Variants in FAM118B observed in about 807,000 individuals in gnomAD.
FAM118B encodes the protein SIR2 antiphage like 1, also known as protein FAM118B.
Under a neutral mutation model 38.5 loss-of-function variants are expected in FAM118B, and 24 were observed. That is an observed-to-expected ratio of 0.62 (90% CI 0.45 to 0.88). The LOEUF (loss-of-function observed/expected upper bound fraction) is 0.88, where lower values mean the gene tolerates loss of function less well. Among genes scored for constraint, FAM118B ranks in the 40% least tolerant of loss-of-function variants. FAM118B has a pLI of 0.00. For synonymous variants in FAM118B, 138 were observed against 156.3 expected, an observed-to-expected ratio of 0.88 and a Z score of 0.87; for missense variants, 334 against 420.0, an observed-to-expected ratio of 0.80 and a Z score of 1.79.
In FAM118B at chr11:126,256,159, G is replaced by C. The variant is rs1046530478; in HGVS notation, c.697-408G>C. Reference sequence around the variant, plus strand: ...GGTGGTGCACACTTGTAATATACTCGGGAGGCTGAGGCATGAGAGTCACTT... The same window carrying C: ...GGTGGTGCACACTTGTAATATACTCCGGAGGCTGAGGCATGAGAGTCACTT... On this transcript the variant is annotated intron_variant, in intron 6 of 8. Coordinates refer to ENST00000533050, the MANE Select transcript of FAM118B (RefSeq NM_024556.4). This position sits in a 1 kb window ranked among gnomAD's most constrained non-coding sequence, Gnocchi z 6.6. Among the ~76,000 whole-genome samples, 1 of 152,138 alleles carries C rather than the reference G, an allele frequency of 6.6e-6. No homozygotes were observed. Among genetic ancestry groups the C allele is most frequent in the Non-Finnish European group, 1.5e-5 (1 of 68,038 alleles).
chr11:126,248,102 C>T (rs955783284), intron 4 of FAM118B, among the ~76,000 whole-genome samples: 1 of 149,720 alleles, frequency 6.7e-6, no homozygotes. Flanking sequence ...GCCAAAATCA[C>T]GCCATTGCAC....
intron 1 of FAM118B, among the ~76,000 whole-genome samples, chr11:126,228,192 A>AT (rs370328952): frequency 3.9e-4 from 56 of 142,452 alleles, no homozygotes; most frequent in East Asian, 6.3e-4. Context: ...TTTACTAAAC[A>AT]TTTTTTTTTT....
At chr11:126,228,227 C>T (rs904701198) in intron 1 of FAM118B, among the ~76,000 whole-genome samples, 1 of 149,174 alleles carries the variant, frequency 6.7e-6, no homozygotes, top group Non-Finnish European at 1.5e-5. Flanking sequence ...GAGACAGGGT[C>T]TCGCTTTGTC....
In FAM118B at chr11:126,255,605, A is replaced by G. The variant is rs1251839937; in HGVS notation, c.697-962A>G. Among the ~76,000 whole-genome samples, 1 of 152,208 alleles carries G rather than the reference A, an allele frequency of 6.6e-6. No individual in the cohort carries two copies. Among genetic ancestry groups the G allele is most frequent in the Non-Finnish European group, 1.5e-5 (1 of 68,036 alleles). On this transcript the variant is annotated intron_variant, in intron 6 of 8. Coordinates refer to ENST00000533050, the MANE Select transcript of FAM118B (RefSeq NM_024556.4). This position sits in a 1 kb window ranked among gnomAD's most constrained non-coding sequence, Gnocchi z 4.6. Reference sequence around the variant, plus strand: ...AGTTCAGTTTGTGAGACAAAGGCAAATATGGTCCAGAAATGGAAGGATTAA... The same window carrying G: ...AGTTCAGTTTGTGAGACAAAGGCAAGTATGGTCCAGAAATGGAAGGATTAA...
At chr11:126,249,793 T>C (rs925810043) in intron 4 of FAM118B, among the ~76,000 whole-genome samples, 4 of 150,002 alleles carry the variant, frequency 2.7e-5, no homozygotes, top group African/African-American at 9.8e-5. Context: ...ATTAGGGCTG[T>C]GTCTCAGTGG....
intron 1 of FAM118B, among the ~76,000 whole-genome samples, chr11:126,225,022 CTT>C (rs1256562784): frequency 2.6e-5 from 4 of 152,190 alleles, no homozygotes; most frequent in Non-Finnish European, 5.9e-5. Context: ...AACAAGATCT[CTT>C]TTATGTGAAT....
chr11:126,248,648 G>T (rs1309512053), intron 4 of FAM118B, among the ~76,000 whole-genome samples: 2 of 152,094 alleles, frequency 1.3e-5, no homozygotes, highest in Non-Finnish European at 2.9e-5. Context: ...GGGATTACAG[G>T]CGTGAGCCAG....
At chr11:126,257,989 G>T (rs1950606537) in intron 7 of FAM118B, among the ~76,000 whole-genome samples, 1 of 152,150 alleles carries the variant, frequency 6.6e-6, no homozygotes, top group Non-Finnish European at 1.5e-5. Flanking sequence ...ACATTGCCAG[G>T]CTCCAGAGTA....
intron 3 of FAM118B, 113 bp downstream of exon 3, chr11:126,235,200 A>G: frequency 5.0e-6 from 4 of 797,514 alleles, no homozygotes; most frequent in Non-Finnish European, 6.1e-6. Flanking sequence ...ATTGACCTTC[A>G]TACTCAAAAT....
intron 3 of FAM118B, among the ~76,000 whole-genome samples, chr11:126,238,082 C>T (rs1178916728): frequency 1.3e-5 from 2 of 152,080 alleles, no homozygotes; most frequent in African/African-American, 2.4e-5. Flanking sequence ...ATGGAAGAGG[C>T]CGGGTGCGGT....
At chr11:126,226,605 C>T (rs925485597) in intron 1 of FAM118B, among the ~76,000 whole-genome samples, 1 of 152,238 alleles carries the variant, frequency 6.6e-6, no homozygotes, top group Non-Finnish European at 1.5e-5. Context: ...ATCTACTAGT[C>T]TACTCTCTTT....
At chr11:126,226,929 G>A (rs1203628377) in intron 1 of FAM118B, among the ~76,000 whole-genome samples, 1 of 136,152 alleles carries the variant, frequency 7.3e-6, no homozygotes, top group African/African-American at 2.8e-5. Flanking sequence ...GATCATGCCT[G>A]GGCAACAGTG....
intron 7 of FAM118B, among the ~76,000 whole-genome samples, chr11:126,259,419 G>T (rs1016147107): frequency 2.4e-4 from 36 of 147,804 alleles, no homozygotes; most frequent in Admixed American, 1.5e-3. Context: ...AGCAGTCGTT[G>T]TGGTACTTTT....
chr11:126,233,563 A>G (rs1207895746), intron 2 of FAM118B: 6 of 336,360 alleles, frequency 1.8e-5, no homozygotes, highest in Non-Finnish European at 2.9e-5. Flanking sequence ...TAAGTGACTC[A>G]TCTGTCTTCT....
rs1224683669 is a variant in FAM118B at position 126,211,898 on chromosome 11, C to A, written c.-77+68C>A. 4 of 500,934 alleles carry A rather than the reference C, an allele frequency of 8.0e-6. No individual in the cohort carries two copies. The East Asian group carries it at 1.4e-4, about 17-fold the overall frequency. 31.0% of individuals were successfully genotyped at this position (500,934 alleles called of 1,614,324 possible). Reference sequence around the variant, plus strand: ...TGCCTCAACGGTTTAACGTTTTCTGCGTCCCCGGGATTTCCGTTCAAGAAG... The same window carrying A: ...TGCCTCAACGGTTTAACGTTTTCTGAGTCCCCGGGATTTCCGTTCAAGAAG... On this transcript the variant is annotated intron_variant, in intron 1 of 8. Coordinates refer to ENST00000533050, the MANE Select transcript of FAM118B (RefSeq NM_024556.4).
In FAM118B at chr11:126,254,325, G is replaced by T; in HGVS notation, c.588G>T (p.Glu196Asp). 1 of 1,614,152 alleles carries T rather than the reference G, an allele frequency of 6.2e-7. No homozygotes were observed. Among genetic ancestry groups the T allele is most frequent in the East Asian group, 2.2e-5 (1 of 44,882 alleles). ...TGCAGGTCCTCGAGTGGGCTCAGGA[G>T]AAGCGTAAGCTGAGCGTGTTGCATA... ...DEKKVLEWAQ[E>D]KRKLSVLHIH... Residue 196 changes from glutamate (E) to aspartate (D), a missense_variant, in exon 6 of 9, where the codon GAG becomes GAT. By Grantham distance (45) the Glu-to-Asp change is conservative. Coordinates refer to ENST00000533050, the MANE Select transcript of FAM118B (RefSeq NM_024556.4).
chr11:126,219,858 A>T (rs1447939894), intron 1 of FAM118B, among the ~76,000 whole-genome samples: 1 of 10,250 alleles, frequency 9.8e-5, no homozygotes, highest in South Asian at 4.8e-3. Context: ...AATTAACTTA[A>T]AAAAAAAAAA....
At chr11:126,241,126 C>T in intron 4 of FAM118B, 82 bp downstream of exon 4, 1 of 1,383,820 alleles carries the variant, frequency 7.2e-7, no homozygotes, top group Non-Finnish European at 9.8e-7. Context: ...GCTGTCAAAA[C>T]TAGCATGCCA....
intron 2 of FAM118B, among the ~76,000 whole-genome samples, chr11:126,234,623 CCT>C (rs1194386191): frequency 2.0e-5 from 3 of 152,096 alleles, no homozygotes; most frequent in Non-Finnish European, 2.9e-5. Context: ...GTTTTTATCC[CCT>C]GAGTCTTCCG....
Sources: allele counts gnomAD v4.1 joint callset (sites outside exome capture counted in the v4.1 genomes callset), GRCh38; gene constraint gnomAD v4.1.1; non-coding constraint Gnocchi (gnomAD v3.1); transcripts MANE v1.5; gene names NCBI Gene and HGNC (gene_info 2026-07-23, HGNC 2026-07-21).